Variants in TIFA observed in about 807,000 individuals in gnomAD.
TIFA encodes TRAF interacting protein with forkhead associated domain.
For missense variants in TIFA, 186 were observed against 215.2 expected (o/e 0.86, Z 0.85); for synonymous variants, 75 against 79.2 (o/e 0.95, Z 0.28).
Position 112,277,994 on chromosome 4 carries a change from AAATT to A in TIFA, c.419_422del (p.Gln140LeufsTer68), listed in dbSNP as rs753910649. 6.2e-7 allele frequency: 1 copy of A among 1,614,070 alleles called. No individual in the cohort carries two copies. The highest frequency in any genetic ancestry group is 2.2e-5 in the East Asian group (1 of 44,884). ...GCAAGAGTGATCTTGGAGATAAAAT[AAATT>A]GAGTCTCAAAAAATTCCAATGACTC... On this transcript the variant is annotated frameshift_variant, in exon 2 of 2. Transcript: ENST00000361717. LOFTEE classifies it low-confidence loss of function (END_TRUNC).
At chr4:112,279,970 A>T (rs570854963) in intron 1 of TIFA, among the ~76,000 whole-genome samples, 1 of 152,038 alleles carries the variant, frequency 6.6e-6, no homozygotes, top group Non-Finnish European at 1.5e-5. Context: ...TGCCTGACCA[A>T]TTTTTCAATT....
At position 112,278,128 on chromosome 4, in the gene TIFA, TC is replaced by T. The variant is rs551083357; in HGVS notation, c.288del (p.Ile97SerfsTer10). ...TAGCCCAGCTCTCTGCTGTCCACGA[TC>T]AGATTGGTCTTTTTACTCATATTTT... is the stretch of plus-strand genomic sequence containing the variant. Reference protein sequence around the residue: ...EIKNMSKKTNLIVDSRELGYL... With the variant: ...EIKNMSKKTNXIVDSRELGYL... On this transcript the variant is annotated frameshift_variant, in exon 2 of 2. Transcript: ENST00000361717. LOFTEE classifies it low-confidence loss of function (END_TRUNC). 258 of 1,614,088 alleles carry T rather than the reference TC, an allele frequency of 1.6e-4. 1 individual carries two copies. In the South Asian group the frequency reaches 2.8e-3, roughly 17 times the overall value.
At chr4:112,283,798 T>G (rs376670779) in intron 1 of TIFA, among the ~76,000 whole-genome samples, 1 of 152,162 alleles carries the variant, frequency 6.6e-6, no homozygotes, top group East Asian at 1.9e-4. Flanking sequence ...CTCTACACCT[T>G]TGGAATTTTA....
intron 1 of TIFA, among the ~76,000 whole-genome samples, chr4:112,283,144 C>G (rs181698650): frequency 6.6e-6 from 1 of 152,320 alleles, no homozygotes; most frequent in African/African-American, 2.4e-5. Flanking sequence ...TCCAATGCAT[C>G]CTCTCTTAAC....
rs758318779 is a variant in TIFA at position 112,278,404 on chromosome 4, CA to C, written c.12del (p.Phe4LeufsTer10). MTS[F>X]EDADTEETVT... ...ACTGTCTCTTCTGTGTCAGCATCTT[CA>C]AAACTGGTCATGATGTGCACAAGGC... On this transcript the variant is annotated frameshift_variant, in exon 2 of 2. Coordinates refer to ENST00000361717, the MANE Select transcript of TIFA (RefSeq NM_052864.3). LOFTEE classifies it low-confidence loss of function (END_TRUNC). 1 of 1,560,928 alleles carries C rather than the reference CA, an allele frequency of 6.4e-7. No individual in the cohort carries two copies. The highest frequency in any genetic ancestry group is 8.7e-7 in the Non-Finnish European group (1 of 1,155,684).
chr4:112,277,785 T>A lies in TIFA; in HGVS notation c.*77A>T. On this transcript the variant is annotated 3_prime_UTR_variant, in exon 2 of 2. Coordinates refer to ENST00000361717, the MANE Select transcript of TIFA (RefSeq NM_052864.3). ...AGATGACTATAATATACTACCCTAA[T>A]CAACTCTTATTTAGTGTCTATACAG... 7.2e-7 allele frequency: 1 copy of A among 1,389,728 alleles called. No homozygotes were observed. The highest frequency in any genetic ancestry group is 9.6e-7 in the Non-Finnish European group (1 of 1,040,336). The allele number at this position is 1,389,728 out of a possible 1,614,324, so 86.1% of individuals were successfully genotyped here.
At position 112,277,390 on chromosome 4, in the gene TIFA, G is replaced by A. The variant is rs955361; in HGVS notation, c.*472C>T. 1 of 154,900 alleles carries A rather than the reference G, an allele frequency of 6.5e-6. No individual in the cohort carries two copies. Among genetic ancestry groups the A allele is most frequent in the Non-Finnish European group, 1.4e-5 (1 of 69,856 alleles). 9.6% of individuals were successfully genotyped at this position (154,900 alleles called of 1,614,324 possible). A position where few individuals can be genotyped will look rare whatever the true frequency, so the allele number is the denominator to read the frequency against. ...AAACCACAGTGACGCGCAGACACTA[G>A]CCTAGAACCTATTCCAGTACTGCAA... On this transcript the variant is annotated 3_prime_UTR_variant, in exon 2 of 2. Coordinates refer to ENST00000361717, the MANE Select transcript of TIFA (RefSeq NM_052864.3).
chr4:112,280,960 C>G (rs558851634), intron 1 of TIFA, among the ~76,000 whole-genome samples: 1 of 152,168 alleles, frequency 6.6e-6, no homozygotes. Flanking sequence ...AGAATTAACA[C>G]ACAATGGGTA....
intron 1 of TIFA, among the ~76,000 whole-genome samples, chr4:112,282,077 T>C (rs1332163012): frequency 2.0e-5 from 3 of 152,208 alleles, no homozygotes; most frequent in Non-Finnish European, 4.4e-5. Context: ...GGGATAGGTC[T>C]TTCCCATGCT....
chr4:112,285,265 A>G (rs909032), intron 1 of TIFA, among the ~76,000 whole-genome samples: 5,502 of 151,970 alleles, frequency 0.036, 231 homozygotes, highest in East Asian at 0.15. Flanking sequence ...GTGGGGCCGT[A>G]GCAGTTGGCA....
chr4:112,280,750 T>C (rs548063856), intron 1 of TIFA, among the ~76,000 whole-genome samples: 1 of 152,318 alleles, frequency 6.6e-6, no homozygotes, highest in South Asian at 2.1e-4. Flanking sequence ...ACAAATGACA[T>C]AGCTAAGCAA....
At chr4:112,284,205 C>T (rs1208199644) in intron 1 of TIFA, among the ~76,000 whole-genome samples, 1 of 151,970 alleles carries the variant, frequency 6.6e-6, no homozygotes, top group African/African-American at 2.4e-5. Flanking sequence ...CTTCTGACTC[C>T]TCTCTGGGGA....
rs539000440 is a variant in TIFA, at chr4:112,277,027, G to C, written c.*835C>G. On this transcript the variant is annotated 3_prime_UTR_variant, in exon 2 of 2. Coordinates refer to ENST00000361717, the MANE Select transcript of TIFA (RefSeq NM_052864.3). Reference sequence around the variant, plus strand: ...TAAACATTCACATACATTTATCTCTGTAAAGTGGCCCAAGAACAGTTATTT... The same window carrying C: ...TAAACATTCACATACATTTATCTCTCTAAAGTGGCCCAAGAACAGTTATTT... 1 of 152,032 alleles carries C rather than the reference G, an allele frequency of 6.6e-6. No homozygotes were observed. Among genetic ancestry groups the C allele is most frequent in the East Asian group, 1.9e-4 (1 of 5,196 alleles). 9.4% of individuals were successfully genotyped at this position (152,032 alleles called of 1,614,324 possible).
At chr4:112,283,694 C>A (rs997980586) in intron 1 of TIFA, among the ~76,000 whole-genome samples, 1 of 152,166 alleles carries the variant, frequency 6.6e-6, no homozygotes, top group East Asian at 1.9e-4. Flanking sequence ...AACAGGGCAA[C>A]AATGATTTTA....
At position 112,285,813 on chromosome 4, in the gene TIFA, G is replaced by C. The variant is rs1018258784; in HGVS notation, c.-192C>G. On this transcript the variant is annotated 5_prime_UTR_variant, in exon 1 of 2. Transcript: ENST00000361717. ...AACCGAGCCAGGGACCAGTGACCGC[G>C]AGCCGCCGATCCTCCCGCGCTCCCG... 1 of 152,336 alleles carries C rather than the reference G, an allele frequency of 6.6e-6. No individual in the cohort carries two copies. The highest frequency in any genetic ancestry group is 6.5e-5 in the Admixed American group (1 of 15,292). The allele number at this position is 152,336 out of a possible 1,614,324, so 9.4% of individuals were successfully genotyped here. A position where few individuals can be genotyped will look rare whatever the true frequency, so the allele number is the denominator to read the frequency against.
rs1433644314 is a variant in TIFA at position 112,277,642 on chromosome 4, AAG to A, written c.*218_*219del. On this transcript the variant is annotated 3_prime_UTR_variant, in exon 2 of 2. Transcript: ENST00000361717. Reference sequence around the variant, plus strand: ...TGTATATTAATCCTCACAGATTAATAAGAGCAGTTAAAATAATTTTGTGTAGA... The same window carrying A: ...TGTATATTAATCCTCACAGATTAATAAGCAGTTAAAATAATTTTGTGTAGA... The A allele has an allele frequency of 1.2e-5, 5 of 413,254 alleles. No homozygotes were observed. Among genetic ancestry groups the A allele is most frequent in the African/African-American group, 8.2e-5 (4 of 48,798 alleles). The allele number at this position is 413,254 out of a possible 1,614,324, so 25.6% of individuals were successfully genotyped here.
Position 112,285,812 on chromosome 4 carries a change from C to T in TIFA, c.-191G>A, listed in dbSNP as rs1284344969. 6.6e-6 allele frequency: 1 copy of T among 152,332 alleles called. No homozygotes were observed. Among genetic ancestry groups the T allele is most frequent in the Non-Finnish European group, 1.5e-5 (1 of 68,128 alleles). 9.4% of individuals were successfully genotyped at this position (152,332 alleles called of 1,614,324 possible). Reference sequence around the variant, plus strand: ...GAACCGAGCCAGGGACCAGTGACCGCGAGCCGCCGATCCTCCCGCGCTCCC... The same window carrying T: ...GAACCGAGCCAGGGACCAGTGACCGTGAGCCGCCGATCCTCCCGCGCTCCC... On this transcript the variant is annotated 5_prime_UTR_variant, in exon 1 of 2. Transcript: ENST00000361717.
intron 1 of TIFA, among the ~76,000 whole-genome samples, 191 bp from the exon 2 acceptor site, chr4:112,278,625 C>G (rs952893275): frequency 1.3e-5 from 2 of 152,228 alleles, no homozygotes; most frequent in Non-Finnish European, 2.9e-5. Flanking sequence ...AATTGCTACA[C>G]TAGCTTCTCC....
rs189055616 is a variant in TIFA at position 112,279,914 on chromosome 4, C to T, written c.-18-1480G>A. On this transcript the variant is annotated intron_variant, in intron 1 of 1. Coordinates refer to ENST00000361717, the MANE Select transcript of TIFA (RefSeq NM_052864.3). Reference sequence around the variant, plus strand: ...AACTCCTGAGCTCAGGTGATTCACCCGCCTCGCCCTCCCAAAAGTGCTGGG... The same window carrying T: ...AACTCCTGAGCTCAGGTGATTCACCTGCCTCGCCCTCCCAAAAGTGCTGGG... Among the ~76,000 whole-genome samples, 39 of 152,232 alleles carry T rather than the reference C, an allele frequency of 2.6e-4. 1 individual carries two copies. In the East Asian group the frequency reaches 6.4e-3, roughly 25 times the overall value.
Sources: gnomAD v4.1 joint callset for allele counts (sites outside exome capture counted in the v4.1 genomes callset) on GRCh38, gnomAD v4.1.1 for gene constraint, MANE v1.5 for transcripts, NCBI Gene and HGNC (gene_info 2026-07-23, HGNC 2026-07-21) for gene names.